GPHN: variants seen among roughly 807,000 people sequenced by gnomAD.
GPHN encodes gephyrin.
A neutral mutation model predicts 95.5 loss-of-function variants in GPHN; 17 were observed. That is an observed-to-expected ratio of 0.18 (90% confidence interval 0.12 to 0.27). The LOEUF (loss-of-function observed/expected upper bound fraction) is 0.27, where lower values mean the gene tolerates loss of function less well. Among genes scored for constraint, GPHN ranks in the 10% least tolerant of loss-of-function variants. The probability of loss-of-function intolerance (pLI) is 1.00; values close to 1 mark genes in which losing one functional copy is unlikely to be tolerated. For missense variants in GPHN, 660 were observed against 978.1 expected (o/e 0.67, Z 4.34); for synonymous variants, 320 against 322.5 (o/e 0.99, Z 0.08).
At chr14:67,465,301 C>T in the GPHN span, among the ~76,000 whole-genome samples, 1 of 150,460 alleles carries the variant, frequency 6.6e-6, no homozygotes, top group African/African-American at 2.4e-5. Context: ...GGAGAGGTAA[C>T]ATAGGGGCCG....
the GPHN span, chr14:67,674,352 G>A: frequency 1.3e-6 from 2 of 1,567,086 alleles, no homozygotes; most frequent in East Asian, 2.3e-5. Context: ...CGCTCCCCAC[G>A]GCGTGGCCCA....
chr14:67,297,251 T>G, the GPHN span, among the ~76,000 whole-genome samples: 1 of 152,140 alleles, frequency 6.6e-6, no homozygotes, highest in Non-Finnish European at 1.5e-5. Flanking sequence ...TACCAGTCAG[T>G]GCAATAAAAC....
intron 10 of GPHN, among the ~76,000 whole-genome samples, chr14:67,038,976 G>A (rs576288579): frequency 6.6e-6 from 1 of 152,034 alleles, no homozygotes; most frequent in East Asian, 1.9e-4. Flanking sequence ...TTCTCCTTTG[G>A]GATTGCAGTA....
At chr14:67,064,327 C>T (rs750498795) in intron 11 of GPHN, among the ~76,000 whole-genome samples, 7 of 152,092 alleles carry the variant, frequency 4.6e-5, no homozygotes, top group African/African-American at 1.2e-4. Context: ...CTGCCGGATT[C>T]GGTTTGCCAG....
At chr14:67,290,573 T>C in the GPHN span, among the ~76,000 whole-genome samples, 1 of 152,226 alleles carries the variant, frequency 6.6e-6, no homozygotes, top group East Asian at 1.9e-4. Context: ...ATTATTGTTA[T>C]TTTAAAAAGA....
At chr14:67,105,119 G>C (rs1482301519) in intron 13 of GPHN, among the ~76,000 whole-genome samples, 1 of 151,814 alleles carries the variant, frequency 6.6e-6, no homozygotes, top group East Asian at 1.9e-4. Context: ...AGCATATTTT[G>C]TAATTTCTAC....
the GPHN span, among the ~76,000 whole-genome samples, chr14:67,664,558 T>C: frequency 1.3e-5 from 2 of 150,550 alleles, no homozygotes; most frequent in Non-Finnish European, 3.0e-5. Context: ...GTGCAGTGGC[T>C]CGGTCTCGGT....
chr14:67,574,490 C>A, the GPHN span: 1 of 1,112,218 alleles, frequency 9.0e-7, no homozygotes. The surrounding 1 kb of genome is among the most constrained non-coding windows in gnomAD (Gnocchi z 4.2). Context: ...GGTGGGTTCC[C>A]CCTTATACGG....
At chr14:66,801,532 AT>A (rs1478409757) in intron 3 of GPHN, among the ~76,000 whole-genome samples, 1 of 151,898 alleles carries the variant, frequency 6.6e-6, no homozygotes, top group African/African-American at 2.4e-5. Flanking sequence ...CCCAAAAAAA[AT>A]GAGTCTTCTC....
chr14:67,080,273 G>A (rs2076639362), intron 11 of GPHN, among the ~76,000 whole-genome samples: 1 of 150,968 alleles, frequency 6.6e-6, no homozygotes, highest in African/African-American at 2.4e-5. Flanking sequence ...ATTTTTTGTT[G>A]TTGAGTTGTA....
the GPHN span, chr14:67,335,413 A>AAAT: frequency 6.6e-6 from 1 of 152,272 alleles, no homozygotes; most frequent in Non-Finnish European, 1.5e-5. Flanking sequence ...TTTAATATAG[A>AAAT]AATGATATCA....
At chr14:67,492,480 A>T in the GPHN span, among the ~76,000 whole-genome samples, 68 of 152,322 alleles carry the variant, frequency 4.5e-4, no homozygotes, top group African/African-American at 1.6e-3. Context: ...TCACTGGCAA[A>T]GTGACCAGGA....
At chr14:66,770,402 A>G (rs2059121478) in intron 2 of GPHN, among the ~76,000 whole-genome samples, 1 of 152,130 alleles carries the variant, frequency 6.6e-6, no homozygotes, top group Admixed American at 6.5e-5. Context: ...AACTCTGCTC[A>G]TTCCTGCATC....
chr14:67,140,853 G>A lies in GPHN; in HGVS notation c.1749-2509G>A, dbSNP rs533180148. Among the ~76,000 whole-genome samples the A allele has an allele frequency of 2.6e-4, 40 of 152,210 alleles. No homozygotes were observed. In the Middle Eastern group the frequency reaches 0.014, roughly 52 times the overall value. On this transcript the variant is annotated intron_variant, in intron 17 of 22. Transcript: ENST00000478722. ...AATTTGCTGTCTTTTTTCCTAAATC[G>A]AAATGAAAAGGATAGATGAGAAATC...
the GPHN span, chr14:67,573,200 A>G: frequency 1.2e-6 from 1 of 867,230 alleles, no homozygotes; most frequent in Non-Finnish European, 1.9e-6. This position sits in a 1 kb window ranked among gnomAD's most constrained non-coding sequence, Gnocchi z 4.8. Context: ...AGGCAGCTGG[A>G]CCACTTGGAC....
At chr14:66,768,911 C>T (rs945189805) in intron 2 of GPHN, among the ~76,000 whole-genome samples, 5 of 151,948 alleles carry the variant, frequency 3.3e-5, no homozygotes, top group Admixed American at 6.6e-5. Flanking sequence ...TTAAAAGATA[C>T]GTATACTATA....
At chr14:67,412,922 T>C in the GPHN span, among the ~76,000 whole-genome samples, 1 of 152,030 alleles carries the variant, frequency 6.6e-6, no homozygotes, top group African/African-American at 2.4e-5. Context: ...CCACCATGCC[T>C]GGCTGGTTTA....
At chr14:66,675,722 G>A (rs943498792) in intron 1 of GPHN, among the ~76,000 whole-genome samples, 8 of 151,898 alleles carry the variant, frequency 5.3e-5, no homozygotes, top group Non-Finnish European at 1.2e-4. Context: ...ATGTTTTCTT[G>A]TAGTTATTTT....
chr14:66,753,007 C>T (rs2058427771), intron 2 of GPHN, among the ~76,000 whole-genome samples: 2 of 151,014 alleles, frequency 1.3e-5, no homozygotes, highest in Admixed American at 6.6e-5. Context: ...GCATTGAATC[C>T]TGATACACCC....
Sources: gnomAD v4.1 joint callset for allele counts (sites outside exome capture counted in the v4.1 genomes callset) on GRCh38, gnomAD v4.1.1 for gene constraint, Gnocchi (gnomAD v3.1) non-coding constraint, MANE v1.5 for transcripts, NCBI Gene and HGNC (gene_info 2026-07-23, HGNC 2026-07-21) for gene names.